Variants in SEMA5B observed in about 807,000 individuals in gnomAD.
SEMA5B encodes the protein semaphorin-5B.
Under a neutral mutation model 135.0 loss-of-function variants are expected in SEMA5B, and 66 were observed. The observed-to-expected ratio is 0.49, with a 90% CI of 0.40 to 0.60. The LOEUF is 0.60. SEMA5B is among the 20% of genes least tolerant of loss of function. SEMA5B has a pLI of 0.00. For synonymous variants in SEMA5B, 690 were observed against 639.5 expected (o/e 1.08, Z -1.19); for missense variants, 1,501 against 1,566.3 (o/e 0.96, Z 0.70).
intron 1 of SEMA5B, 143 bp downstream of exon 1, chr3:123,027,321 G>T (rs1434465352): frequency 6.6e-6 from 1 of 152,304 alleles, no homozygotes; most frequent in African/African-American, 2.4e-5. Flanking sequence ...CTGTCCTCCC[G>T]CCCGCAGCCT....
At chr3:122,956,052 G>A (rs1940280169) in intron 2 of SEMA5B, among the ~76,000 whole-genome samples, 1 of 152,214 alleles carries the variant, frequency 6.6e-6, no homozygotes, top group African/African-American at 2.4e-5. Context: ...GGGTCTGGAT[G>A]GGGAAGGGGG....
chr3:122,998,250 C>A (rs148290499), intron 1 of SEMA5B, among the ~76,000 whole-genome samples: 1 of 152,240 alleles, frequency 6.6e-6, no homozygotes, highest in African/African-American at 2.4e-5. Context: ...ACAGCAAGAC[C>A]CACTTCACTC....
At chr3:123,011,455 T>G (rs1464804919) in intron 1 of SEMA5B, among the ~76,000 whole-genome samples, 1 of 152,204 alleles carries the variant, frequency 6.6e-6, no homozygotes, top group Non-Finnish European at 1.5e-5. Flanking sequence ...CCACATTCCC[T>G]GTGCATATGG....
At position 122,961,271 on chromosome 3, in the gene SEMA5B, A is replaced by G; in HGVS notation, c.-8T>C. 6.2e-7 allele frequency: 1 copy of G among 1,613,984 alleles called. No individual in the cohort carries two copies. The highest frequency in any genetic ancestry group is 8.5e-7 in the Non-Finnish European group (1 of 1,179,930). On this transcript the variant is annotated 5_prime_UTR_variant, in exon 2 of 23. Transcript: ENST00000357599. ...ACTGAAGCCACAGGGCATCCAAGAG[A>G]CACAGGCCAGGCACCAGCTGGAACC...
chr3:122,911,599 T>C, intron 20 of SEMA5B, 64 bp from the exon 21 acceptor site: 1 of 1,525,858 alleles, frequency 6.6e-7, no homozygotes, highest in Non-Finnish European at 8.9e-7. Flanking sequence ...CCCTGCAGGG[T>C]AGGCGTAAGC....
intron 4 of SEMA5B, among the ~76,000 whole-genome samples, chr3:122,941,690 TCAGAG>T (rs1939571649): frequency 6.6e-6 from 1 of 152,386 alleles, no homozygotes; most frequent in East Asian, 1.9e-4. Context: ...TTCACAAGGT[TCAGAG>T]TAGAGTCTTC....
chr3:122,917,011 T>C (rs1193249495), intron 12 of SEMA5B, among the ~76,000 whole-genome samples: 1 of 152,198 alleles, frequency 6.6e-6, no homozygotes, highest in Non-Finnish European at 1.5e-5. Context: ...AACAGAAAAA[T>C]CTAATCTCCA....
intron 3 of SEMA5B, among the ~76,000 whole-genome samples, chr3:122,947,348 A>C (rs1363757995): frequency 6.6e-6 from 1 of 152,002 alleles, no homozygotes; most frequent in African/African-American, 2.4e-5. Context: ...TTCCTCCCTG[A>C]GAGGAGCCAA....
chr3:122,997,577 G>C (rs983636403), intron 1 of SEMA5B, among the ~76,000 whole-genome samples: 8 of 152,118 alleles, frequency 5.3e-5, no homozygotes, highest in African/African-American at 1.9e-4. Flanking sequence ...AGGGGTAATG[G>C]ATTTCTTAAG....
Position 122,954,604 on chromosome 3 carries a change from A to G in SEMA5B, c.125-5895T>C, listed in dbSNP as rs574506794. 4.6e-5 allele frequency among the ~76,000 whole-genome samples: 7 copies of G among 152,316 alleles called. No homozygotes were observed. The East Asian group carries it at 1.2e-3, about 25-fold the overall frequency. Reference sequence around the variant, plus strand: ...AATGAGGAGGTTGTCAGTGGGGCTTACAGGGACGTGCTCTAAGAGGGCTTC... The same window carrying G: ...AATGAGGAGGTTGTCAGTGGGGCTTGCAGGGACGTGCTCTAAGAGGGCTTC... On this transcript the variant is annotated intron_variant, in intron 2 of 22. Coordinates refer to ENST00000357599, the MANE Select transcript of SEMA5B (RefSeq NM_001031702.4).
chr3:123,008,982 C>T (rs1942377679), intron 1 of SEMA5B, among the ~76,000 whole-genome samples: 1 of 152,186 alleles, frequency 6.6e-6, no homozygotes, highest in Non-Finnish European at 1.5e-5. Context: ...TTTGATGTGG[C>T]TCAGGCTGCT....
rs111732301 is a variant in SEMA5B, at chr3:123,011,832, T to C, written c.-39+15632A>G. On this transcript the variant is annotated intron_variant, in intron 1 of 22. Transcript: ENST00000357599. Reference sequence around the variant, plus strand: ...TACTGAAGGATAGAGTGGCTTCCCATCACCTCTCCAGGACACAGAATGAGC... The same window carrying C: ...TACTGAAGGATAGAGTGGCTTCCCACCACCTCTCCAGGACACAGAATGAGC... Among the ~76,000 whole-genome samples, 1,482 of 152,228 alleles carry C rather than the reference T, an allele frequency of 9.7e-3. 27 individuals carry two copies. Among genetic ancestry groups the C allele is most frequent in the African/African-American group, 0.034 (1,410 of 41,518 alleles).
chr3:123,015,458 C>T (rs1243785988), intron 1 of SEMA5B, among the ~76,000 whole-genome samples: 1 of 152,110 alleles, frequency 6.6e-6, no homozygotes, highest in Non-Finnish European at 1.5e-5. Context: ...ACCTGGAGGG[C>T]CATCTTTGGT....
rs145417933 is a variant in SEMA5B, at chr3:122,929,029, C to G, written c.504G>C (p.Thr168=). ...TCCCTTTGCTTTGGCAGGAGCGGCG[C>G]GTGTCCTCACTGGAGGCCCACTCTG... ...QATEWASSED[T]RRSCQSKGKT... The change falls in exon 6 of 23, where the codon ACG becomes ACC. Residue 168 remains threonine (T), a synonymous_variant. Transcript: ENST00000357599. 1 of 1,612,312 alleles carries G rather than the reference C, an allele frequency of 6.2e-7. No homozygotes were observed. Among genetic ancestry groups the G allele is most frequent in the Non-Finnish European group, 8.5e-7 (1 of 1,180,022 alleles).
intron 2 of SEMA5B, among the ~76,000 whole-genome samples, chr3:122,951,007 C>T (rs4677870): frequency 1.3e-5 from 2 of 152,040 alleles, no homozygotes; most frequent in African/African-American, 4.8e-5. Flanking sequence ...GATCATGGCT[C>T]ACTGCAGTCT....
At chr3:122,937,202 G>T (rs1560326478) in intron 5 of SEMA5B, among the ~76,000 whole-genome samples, 1 of 152,226 alleles carries the variant, frequency 6.6e-6, no homozygotes, top group Admixed American at 6.5e-5. Context: ...ATCATTTTCA[G>T]CACTTGGTTA....
At position 122,912,901 on chromosome 3, in the gene SEMA5B, G is replaced by A; in HGVS notation, c.2667C>T (p.Gly889=). The A allele has an allele frequency of 6.2e-7, 1 of 1,611,294 alleles. No homozygotes were observed. The highest frequency in any genetic ancestry group is 1.1e-5 in the South Asian group (1 of 90,824). ...CGGCAGCATCGCCCACGCAGGGCAGGCCCCCGTTGCGGGGCTCCGGGTTAG... is the reference window on the plus strand; with the variant it reads ...CGGCAGCATCGCCCACGCAGGGCAGACCCCCGTTGCGGGGCTCCGGGTTAG... ...TCTNPEPRNG[G]LPCVGDAAEY... is the part of the protein sequence containing the mutation. The change falls in exon 18 of 23, where the codon GGC becomes GGT. Residue 889 remains glycine (G), a synonymous_variant. Transcript: ENST00000357599.
intron 1 of SEMA5B, among the ~76,000 whole-genome samples, chr3:123,016,039 C>A (rs1942546911): frequency 6.6e-6 from 1 of 152,204 alleles, no homozygotes; most frequent in Non-Finnish European, 1.5e-5. Context: ...AGGGAAGAAC[C>A]TGCTCATGCT....
rs777097346 is a variant in SEMA5B at position 122,912,986 on chromosome 3, G to C, written c.2582C>G (p.Pro861Arg). 1.5e-5 allele frequency: 24 copies of C among 1,609,680 alleles called. No individual in the cohort carries two copies. The South Asian group carries it at 2.3e-4, about 16-fold the overall frequency. Residue 861 changes from proline (P) to arginine (R), a missense_variant, in exon 18 of 23, where the codon CCG (proline) becomes CGG (arginine). By Grantham distance (103) the Pro-to-Arg change is moderately radical. Transcript: ENST00000357599. Reference protein sequence around the residue: ...TVSGGWAAWGPWSSCSRDCEL... With the variant: ...TVSGGWAAWGRWSSCSRDCEL... ...GCAGTCCCGGGAGCAGGACGACCAC[G>C]GGCCCCAGGCGGCCCAGCCCCCGCT...
Sources: allele counts gnomAD v4.1 joint callset (sites outside exome capture counted in the v4.1 genomes callset), GRCh38; gene constraint gnomAD v4.1.1; transcripts MANE v1.5; gene names NCBI Gene and HGNC (gene_info 2026-07-23, HGNC 2026-07-21).